The following TTC23 variants were observed in gnomAD, a reference collection of about 807,000 sequenced individuals.
The protein encoded by TTC23 is tetratricopeptide repeat domain 23.
In TTC23, 58 loss-of-function variants were observed where a neutral mutation model predicts 55.1. The observed-to-expected ratio is 1.05, with a 90% CI of 0.85 to 1.31. The LOEUF is 1.31. Ranked by LOEUF, TTC23 falls within the 50% of genes most tolerant of loss-of-function variation. The probability of loss-of-function intolerance (pLI) is 0.00; values close to 1 mark genes in which losing one functional copy is unlikely to be tolerated. For synonymous variants in TTC23, 203 were observed against 199.9 expected, an observed-to-expected ratio of 1.02 and a Z score of -0.13; for missense variants, 516 against 534.4, an observed-to-expected ratio of 0.97 and a Z score of 0.34.
chr15:99,227,984 C>T (rs1049745199), intron 5 of TTC23, among the ~76,000 whole-genome samples: 2 of 152,228 alleles, frequency 1.3e-5, no homozygotes, highest in African/African-American at 2.4e-5. Context: ...ATCTGTCCCC[C>T]GTCTATCTTC....
chr15:99,247,433 G>C (rs1034100510), intron 1 of TTC23, among the ~76,000 whole-genome samples: 1 of 152,070 alleles, frequency 6.6e-6, no homozygotes, highest in Admixed American at 6.6e-5. Context: ...ATTACAATTA[G>C]TACAATTAAA....
At chr15:99,156,966 T>C (rs1437105399) in intron 11 of TTC23, among the ~76,000 whole-genome samples, 1 of 152,034 alleles carries the variant, frequency 6.6e-6, no homozygotes, top group Non-Finnish European at 1.5e-5. Flanking sequence ...ACACACACAA[T>C]TGTGTGGGTC....
chr15:99,234,432 G>A (rs983689699), intron 4 of TTC23, among the ~76,000 whole-genome samples: 9 of 152,250 alleles, frequency 5.9e-5, no homozygotes, highest in Non-Finnish European at 8.8e-5. Context: ...GTGCAGTGGC[G>A]TGATCTCGGC....
intron 9 of TTC23, among the ~76,000 whole-genome samples, chr15:99,197,269 AT>A (rs1329364991): frequency 1.3e-5 from 2 of 151,768 alleles, no homozygotes; most frequent in Non-Finnish European, 2.9e-5. Context: ...TGCCCGGCTA[AT>A]TTTTTGTATT....
chr15:99,190,969 G>A (rs1020127279), intron 9 of TTC23, among the ~76,000 whole-genome samples: 5 of 151,662 alleles, frequency 3.3e-5, no homozygotes, highest in South Asian at 4.2e-4. Context: ...TTTTTTTGTA[G>A]AGACAAGGTT....
At chr15:99,176,897 TC>T (rs1360853016) in intron 9 of TTC23, among the ~76,000 whole-genome samples, 2 of 152,004 alleles carry the variant, frequency 1.3e-5, no homozygotes, top group Non-Finnish European at 2.9e-5. Context: ...GTGCTGCCAT[TC>T]CCCCCACCCT....
chr15:99,165,404 G>A (rs2071935609), intron 10 of TTC23, among the ~76,000 whole-genome samples: 1 of 152,228 alleles, frequency 6.6e-6, no homozygotes, highest in South Asian at 2.1e-4. Flanking sequence ...AGAAAGGAGA[G>A]ACGTAAACAC....
intron 3 of TTC23, among the ~76,000 whole-genome samples, chr15:99,239,700 A>G (rs1305950078): frequency 6.6e-6 from 1 of 152,258 alleles, no homozygotes; most frequent in Middle Eastern, 3.4e-3. Flanking sequence ...TGATAAGATG[A>G]CCATTTCAAC....
intron 10 of TTC23, among the ~76,000 whole-genome samples, chr15:99,174,340 T>C (rs1386617316): frequency 1.3e-5 from 2 of 152,198 alleles, no homozygotes; most frequent in East Asian, 1.9e-4. Context: ...CAGATGTTGA[T>C]TTTATGCTTT....
chr15:99,209,301 C>T (rs963034203), intron 8 of TTC23, among the ~76,000 whole-genome samples: 1 of 152,198 alleles, frequency 6.6e-6, no homozygotes, highest in African/African-American at 2.4e-5. Context: ...TGATCAGAAT[C>T]TGATGAGAAA....
At chr15:99,175,477 AAGG>A in intron 9 of TTC23, among the ~76,000 whole-genome samples, 1 of 152,228 alleles carries the variant, frequency 6.6e-6, no homozygotes, top group East Asian at 1.9e-4. Flanking sequence ...AGATGAATAG[AAGG>A]TGTCGATGCT....
chr15:99,240,684 A>G (rs1244893430), intron 3 of TTC23, among the ~76,000 whole-genome samples: 3 of 152,224 alleles, frequency 2.0e-5, no homozygotes, highest in Non-Finnish European at 4.4e-5. Context: ...GTAGGAAAGT[A>G]GGTCTCTGTA....
chr15:99,195,867 TAA>T (rs35219461), intron 9 of TTC23, among the ~76,000 whole-genome samples: 100,016 of 143,756 alleles, frequency 0.7, 34,835 homozygotes, highest in African/African-American at 0.83. Context: ...CTAAAACTGC[TAA>T]AAAAAAAAAA....
At chr15:99,154,837 T>G (rs1286144375) in intron 12 of TTC23, among the ~76,000 whole-genome samples, 1 of 152,166 alleles carries the variant, frequency 6.6e-6, no homozygotes, top group African/African-American at 2.4e-5. Flanking sequence ...ACCTTAGTTC[T>G]AAAACCAGCA....
intron 8 of TTC23, among the ~76,000 whole-genome samples, chr15:99,212,399 T>C (rs1213828789): frequency 6.6e-6 from 1 of 152,152 alleles, no homozygotes; most frequent in African/African-American, 2.4e-5. Context: ...GGGGATAAAT[T>C]TGCCCCTTTT....
rs553741976 is a variant in TTC23, at chr15:99,170,882, C to T, written c.865+4168G>A. Among the ~76,000 whole-genome samples, 6 of 152,360 alleles carry T rather than the reference C, an allele frequency of 3.9e-5. No individual in the cohort carries two copies. In the East Asian group the frequency reaches 7.7e-4, roughly 20 times the overall value. ...AAGCTGATTCCCCACACGTGCAACACGTGCTGGCCTGGGGAGCTCTTTTCC... is the reference window on the plus strand; with the variant it reads ...AAGCTGATTCCCCACACGTGCAACATGTGCTGGCCTGGGGAGCTCTTTTCC... On this transcript the variant is annotated intron_variant, in intron 10 of 13. Coordinates refer to ENST00000394132, the MANE Select transcript of TTC23 (RefSeq NM_001288615.3).
chr15:99,171,830 A>G (rs2072981472), intron 10 of TTC23, among the ~76,000 whole-genome samples: 1 of 151,962 alleles, frequency 6.6e-6, no homozygotes, highest in Non-Finnish European at 1.5e-5. Flanking sequence ...TCGGCCTCCC[A>G]AAGTGCTGGG....
At chr15:99,140,333 C>T (rs1406386538) in intron 12 of TTC23, 1 of 151,994 alleles carries the variant, frequency 6.6e-6, no homozygotes, top group Non-Finnish European at 1.5e-5. Context: ...GTGTGAAATG[C>T]AAAACTTGGA....
chr15:99,176,683 A>G (rs577347917), intron 9 of TTC23, among the ~76,000 whole-genome samples: 44 of 152,340 alleles, frequency 2.9e-4, no homozygotes, highest in African/African-American at 1.0e-3. Flanking sequence ...CTAGCAATTC[A>G]TAAGATGTAA....
Sources: allele counts gnomAD v4.1 joint callset (sites outside exome capture counted in the v4.1 genomes callset), GRCh38; gene constraint gnomAD v4.1.1; transcripts MANE v1.5; gene names NCBI Gene and HGNC (gene_info 2026-07-23, HGNC 2026-07-21).